Variants in CNGA1 observed in about 807,000 individuals in gnomAD.
The protein encoded by CNGA1 is cyclic nucleotide gated channel subunit alpha 1, also known as cyclic nucleotide-gated channel alpha-1.
In CNGA1, 53 loss-of-function variants were observed where a neutral mutation model predicts 69.7. That is an observed-to-expected ratio of 0.76 (90% confidence interval 0.61 to 0.96). The LOEUF is 0.96. Ranked by LOEUF, CNGA1 falls within the 40% of genes least tolerant of loss-of-function variation. The pLI, the probability that CNGA1 is intolerant of heterozygous loss-of-function variation, is 0.00. For synonymous variants in CNGA1, 249 were observed against 283.5 expected (o/e 0.88, Z 1.22); for missense variants, 739 against 811.2 (o/e 0.91, Z 1.08).
At chr4:47,999,961 T>C (rs1302814298) in intron 2 of CNGA1, among the ~76,000 whole-genome samples, 2 of 152,156 alleles carry the variant, frequency 1.3e-5, no homozygotes, top group Non-Finnish European at 2.9e-5. Flanking sequence ...AAATCATTTA[T>C]ATAATCAACA....
At chr4:47,975,297 G>A (rs1270988065) in intron 3 of CNGA1, among the ~76,000 whole-genome samples, 1 of 152,044 alleles carries the variant, frequency 6.6e-6, no homozygotes, top group Non-Finnish European at 1.5e-5. Flanking sequence ...GCACACACAG[G>A]GACCTGCCAC....
chr4:47,937,720 C>T lies in CNGA1; in HGVS notation c.762G>A (p.Leu254=), dbSNP rs374697239. ...AGTTCCACCCTAACTTAAAATACAG[C>T]AAATCAGTTGGTATCAGTGACAGAA... ...LDVLSLIPTD[L]LYFKLGWNYP... The change falls in exon 11 of 11, where the codon TTG becomes TTA. Residue 254 remains leucine, a synonymous_variant. Transcript: ENST00000514170. 6.2e-7 allele frequency: 1 copy of T among 1,614,004 alleles called. No homozygotes were observed. Among genetic ancestry groups the T allele is most frequent in the Non-Finnish European group, 8.5e-7 (1 of 1,179,932 alleles).
intron 3 of CNGA1, among the ~76,000 whole-genome samples, chr4:47,955,214 A>C (rs1299315041): frequency 3.5e-5 from 4 of 114,252 alleles, no homozygotes; most frequent in Admixed American, 2.5e-4. Context: ...ACAGAGTCTC[A>C]CTCTATCACC....
chr4:47,976,264 TATATATAC>T, intron 3 of CNGA1, among the ~76,000 whole-genome samples: 1 of 27,632 alleles, frequency 3.6e-5, no homozygotes, highest in African/African-American at 3.2e-4. Context: ...CACATACATA[TATATATAC>T]ATATATATGT....
At position 47,943,418 on chromosome 4, in the gene CNGA1, G is replaced by GA. The variant is rs969082016; in HGVS notation, c.288-7dup. 4.9e-6 allele frequency: 7 copies of GA among 1,428,208 alleles called. No homozygotes were observed. The highest frequency in any genetic ancestry group is 4.7e-6 in the Non-Finnish European group (5 of 1,060,524). The allele number at this position is 1,428,208 out of a possible 1,614,324, so 88.5% of individuals were successfully genotyped here. ...TCTTTTTTTCTTCTGGTTCCCTAAA[G>GA]AAAAAAATAATATATCTGTCACATA... On this transcript the variant is annotated splice_polypyrimidine_tract_variant and splice_region_variant and intron_variant, in intron 6 of 10. Transcript: ENST00000514170.
At chr4:47,940,661 T>C in intron 10 of CNGA1, 102 bp downstream of exon 10, 1 of 850,766 alleles carries the variant, frequency 1.2e-6, no homozygotes, top group South Asian at 1.5e-5. Context: ...AACAGATTTT[T>C]GTGAGTTTTC....
At chr4:48,011,715 C>T (rs1169230495) in intron 1 of CNGA1, among the ~76,000 whole-genome samples, 1 of 152,084 alleles carries the variant, frequency 6.6e-6, no homozygotes, top group African/African-American at 2.4e-5. Context: ...TTGGTTTGGT[C>T]CAGAAAGGTG....
At chr4:48,006,212 G>C (rs1714909581) in intron 2 of CNGA1, among the ~76,000 whole-genome samples, 1 of 152,042 alleles carries the variant, frequency 6.6e-6, no homozygotes, top group South Asian at 2.1e-4. Flanking sequence ...AATGTTATCA[G>C]AAACCTGTGT....
chr4:47,937,365 A>C lies in CNGA1; in HGVS notation c.1117T>G (p.Phe373Val). ...CCAATTAGGAAATCAACCACCACAAAGACATACTCAGAATCCCTCACGGGA... is the reference window on the plus strand; with the variant it reads ...CCAATTAGGAAATCAACCACCACAACGACATACTCAGAATCCCTCACGGGA... Reference protein sequence around the residue: ...PPPVRDSEYVFVVVDFLIGVL... With the variant: ...PPPVRDSEYVVVVVDFLIGVL... Residue 373 changes from phenylalanine to valine, a missense_variant, in exon 11 of 11, where the codon TTT (phenylalanine) becomes GTT (valine). Phe to Val is a conservative substitution (Grantham distance 50). Coordinates refer to ENST00000514170, the MANE Select transcript of CNGA1 (RefSeq NM_001379270.1). The C allele has an allele frequency of 6.2e-7, 1 of 1,614,164 alleles. No homozygotes were observed. The highest frequency in any genetic ancestry group is 8.5e-7 in the Non-Finnish European group (1 of 1,180,024).
chr4:47,994,803 G>A (rs1206247254), intron 2 of CNGA1, among the ~76,000 whole-genome samples: 1 of 152,084 alleles, frequency 6.6e-6, no homozygotes, highest in Admixed American at 6.6e-5. Flanking sequence ...AAGAGGTTCT[G>A]TTTGATGTGT....
chr4:48,008,458 GA>G (rs1284498608), intron 2 of CNGA1, among the ~76,000 whole-genome samples: 1 of 151,772 alleles, frequency 6.6e-6, no homozygotes, highest in African/African-American at 2.4e-5. Context: ...CTTTGAATTA[GA>G]AAAAAATTGT....
intron 3 of CNGA1, among the ~76,000 whole-genome samples, chr4:47,974,613 T>TA (rs763449358): frequency 3.0e-4 from 46 of 152,216 alleles, no homozygotes; most frequent in Non-Finnish European, 5.3e-4. Context: ...GGAGATCTGT[T>TA]ATATAGCATG....
chr4:47,946,272 C>A (rs1030272926), intron 6 of CNGA1, among the ~76,000 whole-genome samples: 7 of 152,266 alleles, frequency 4.6e-5, no homozygotes, highest in Middle Eastern at 3.4e-3. Context: ...GCAAAATCAA[C>A]CAAGTAGTAG....
At chr4:47,950,109 T>C (rs1298728459) in intron 5 of CNGA1, among the ~76,000 whole-genome samples, 1 of 152,178 alleles carries the variant, frequency 6.6e-6, no homozygotes, top group Non-Finnish European at 1.5e-5. Context: ...AATGCCAGTG[T>C]CTTGAACAAA....
chr4:48,013,915 CAG>C (rs891398548), intron 1 of CNGA1, among the ~76,000 whole-genome samples: 2 of 152,168 alleles, frequency 1.3e-5, no homozygotes, highest in African/African-American at 4.8e-5. Context: ...TGTAGCAACT[CAG>C]GGGTTAACCT....
intron 3 of CNGA1, among the ~76,000 whole-genome samples, chr4:47,968,226 TTC>T (rs1196744454): frequency 6.6e-6 from 1 of 152,186 alleles, no homozygotes; most frequent in Non-Finnish European, 1.5e-5. Flanking sequence ...TTTCCCCAAT[TTC>T]TGAGATATTT....
Position 47,937,245 on chromosome 4 carries a change from T to C in CNGA1, c.1237A>G (p.Ile413Val), listed in dbSNP as rs200148364. 3.5e-5 allele frequency: 56 copies of C among 1,614,020 alleles called. No individual in the cohort carries two copies. The highest frequency in any genetic ancestry group is 4.7e-5 in the Non-Finnish European group (56 of 1,180,040). ...RAEFQARIDA[I>V]KQYMHFRNVS... ...TTTCGAAAATGCATATATTGCTTGA[T>C]AGCATCAATTCTTGCTTGAAATTCT... The change falls in exon 11 of 11, where the codon ATC (isoleucine) becomes GTC (valine). Residue 413 changes from isoleucine (I) to valine (V), a missense_variant. By Grantham distance (29) the Ile-to-Val change is conservative. Coordinates refer to ENST00000514170, the MANE Select transcript of CNGA1 (RefSeq NM_001379270.1).
chr4:47,975,659 G>T (rs1741309394), intron 3 of CNGA1, among the ~76,000 whole-genome samples: 1 of 152,054 alleles, frequency 6.6e-6, no homozygotes, highest in South Asian at 2.1e-4. Flanking sequence ...ATCTAGAACT[G>T]GGAATATTTG....
At chr4:47,957,940 G>A (rs545389358) in intron 3 of CNGA1, among the ~76,000 whole-genome samples, 62 of 146,654 alleles carry the variant, frequency 4.2e-4, no homozygotes, top group Non-Finnish European at 7.0e-4. Flanking sequence ...TGTCGCCCAG[G>A]ATGGAGTGCA....
Sources: gnomAD v4.1 joint callset for allele counts (sites outside exome capture counted in the v4.1 genomes callset) on GRCh38, gnomAD v4.1.1 for gene constraint, MANE v1.5 for transcripts, NCBI Gene and HGNC (gene_info 2026-07-23, HGNC 2026-07-21) for gene names.